Variants in LRRC37B observed in about 807,000 individuals in gnomAD.
The protein encoded by LRRC37B is leucine rich repeat containing 37B, also known as leucine-rich repeat-containing protein 37B.
In LRRC37B, 28 loss-of-function variants were observed where a neutral mutation model predicts 98.3. The ratio of observed to expected loss-of-function variants is 0.28; its 90% CI spans 0.21 to 0.39. The LOEUF (loss-of-function observed/expected upper bound fraction) is 0.39, where lower values mean the gene tolerates loss of function less well. Ranked by LOEUF, LRRC37B falls within the 10% of genes least tolerant of loss-of-function variation. LRRC37B has a pLI of 1.00. For synonymous variants in LRRC37B, 364 were observed against 442.7 expected, an observed-to-expected ratio of 0.82 and a Z score of 2.23; for missense variants, 938 against 1,182.7, an observed-to-expected ratio of 0.79 and a Z score of 3.03.
At chr17:32,011,125 T>C (rs1344370048) in intron 1 of LRRC37B, among the ~76,000 whole-genome samples, 4 of 151,792 alleles carry the variant, frequency 2.6e-5, no homozygotes, top group Non-Finnish European at 4.4e-5. Context: ...GCCTCCCAAG[T>C]AGCTGGGACT....
exon 1 of LRRC37B, chr17:32,021,341 C>T (rs1910770908): frequency 1.2e-6 from 2 of 1,613,838 alleles, no homozygotes; most frequent in African/African-American, 1.3e-5. Flanking sequence ...CACCTGCTCC[C>T]CCAGCAGCCC....
intron 1 of LRRC37B, among the ~76,000 whole-genome samples, chr17:32,012,726 A>C (rs1910562075): frequency 7.6e-6 from 1 of 131,150 alleles, no homozygotes; most frequent in South Asian, 2.4e-4. Context: ...AAATAAATAC[A>C]TACATACAGG....
exon 1 of LRRC37B, chr17:32,021,416 A>G: frequency 6.2e-7 from 1 of 1,613,774 alleles, no homozygotes; most frequent in Non-Finnish European, 8.5e-7. Flanking sequence ...CTCAGGAACC[A>G]ACTGAAAATT....
At chr17:32,022,355 G>A in exon 1 of LRRC37B, 1 of 1,613,930 alleles carries the variant, frequency 6.2e-7, no homozygotes, top group Non-Finnish European at 8.5e-7. Flanking sequence ...CTTCAGACAA[G>A]GGTCAGGCTC....
chr17:32,018,314 C>A (rs186182957), upstream of LRRC37B, among the ~76,000 whole-genome samples: 9 of 152,086 alleles, frequency 5.9e-5, no homozygotes, highest in Non-Finnish European at 8.8e-5. Flanking sequence ...GCGACAAGAG[C>A]GAAACTCCAT....
chr17:32,020,444 C>G (rs1268302706), upstream of LRRC37B, among the ~76,000 whole-genome samples: 1 of 152,058 alleles, frequency 6.6e-6, no homozygotes, highest in Non-Finnish European at 1.5e-5. Flanking sequence ...GATGACAGTT[C>G]AGCCTCCTCC....
chr17:32,053,209 A>G, intron 11 of LRRC37B, 57 bp from the exon 15 acceptor site: 1 of 1,172,176 alleles, frequency 8.5e-7, no homozygotes, highest in Non-Finnish European at 1.3e-6. Context: ...ATGAATACAC[A>G]TTGGAGATAG....
intron 9 of LRRC37B, among the ~76,000 whole-genome samples, chr17:32,048,737 G>A (rs59310661): frequency 0.04 from 6,113 of 152,228 alleles, 402 homozygotes; most frequent in African/African-American, 0.14. Context: ...ACCGATGCTC[G>A]CAAAGAGGCC....
chr17:32,021,579 G>T (rs1211370252), exon 1 of LRRC37B: 1 of 1,614,206 alleles, frequency 6.2e-7, no homozygotes. Context: ...TCAGAACCAG[G>T]CCCTAGTTCA....
rs1169825303 is a variant in LRRC37B, at chr17:32,027,757, T to C, written c.1833-12T>C. 5.6e-6 allele frequency: 9 copies of C among 1,596,642 alleles called. No homozygotes were observed. Among genetic ancestry groups the C allele is most frequent in the Non-Finnish European group, 7.7e-6 (9 of 1,170,494 alleles). On this transcript the variant is annotated splice_polypyrimidine_tract_variant and intron_variant, in intron 2 of 11. Transcript: ENST00000327564. The stretch of plus-strand genomic sequence containing the variant: ...TGCATTTTAACCTAGAAATAACTTT[T>C]TCATTTTCCAGAATTCTCAGTGAAA...
chr17:32,027,941 A>G, intron 3 of LRRC37B, 101 bp downstream of exon 6: 1 of 775,090 alleles, frequency 1.3e-6, no homozygotes, highest in Non-Finnish European at 2.1e-6. Context: ...CCAGCAATAA[A>G]ATTCTGCAAT....
At chr17:32,049,267 T>C in exon 10 of LRRC37B, 1 of 1,613,470 alleles carries the variant, frequency 6.2e-7, no homozygotes, top group Non-Finnish European at 8.5e-7. Flanking sequence ...GGCCTCCTGA[T>C]GAAGCTTCTC....
chr17:32,035,053 A>T, intron 6 of LRRC37B, 72 bp downstream of exon 9: 2 of 1,152,668 alleles, frequency 1.7e-6, no homozygotes, highest in Non-Finnish European at 2.5e-6. Flanking sequence ...AAGATAAAGT[A>T]TTTTGCATTT....
At chr17:32,041,916 T>C (rs1473824166) in intron 7 of LRRC37B, 3 of 437,688 alleles carry the variant, frequency 6.9e-6, no homozygotes, top group African/African-American at 6.1e-5. Flanking sequence ...GCCCACAGCC[T>C]ACCCTCGAGT....
chr17:32,022,657 A>G, exon 1 of LRRC37B: 1 of 1,614,028 alleles, frequency 6.2e-7, no homozygotes, highest in Non-Finnish European at 8.5e-7. Flanking sequence ...TCATTGGTGC[A>G]GTCTGAAACT....
At position 32,012,299 on chromosome 17, in the gene LRRC37B, G is replaced by A. The variant is rs57208395; in HGVS notation, c.-191+4167G>A. Among the ~76,000 whole-genome samples the A allele has an allele frequency of 4.6e-3, 700 of 152,212 alleles. 5 individuals carry two copies. The highest frequency in any genetic ancestry group is 0.016 in the African/African-American group (672 of 41,538). ...TCCTTGAAATTCTGTCTGTTTATGCGTCCTGTATTTTGAGGCCCTGTTGTT... is the reference window on the plus strand; with the variant it reads ...TCCTTGAAATTCTGTCTGTTTATGCATCCTGTATTTTGAGGCCCTGTTGTT... On this transcript the variant is annotated intron_variant, in intron 1 of 14. Coordinates refer to the LRRC37B transcript ENST00000543378.
intron 7 of LRRC37B, among the ~76,000 whole-genome samples, chr17:32,039,375 G>A (rs1598210506): frequency 6.7e-6 from 1 of 148,252 alleles, no homozygotes; most frequent in African/African-American, 2.5e-5. Context: ...TACTGGGGAG[G>A]CTGAGGCGGG....
At chr17:32,037,807 G>A (rs1911290456) in intron 7 of LRRC37B, among the ~76,000 whole-genome samples, 1 of 151,722 alleles carries the variant, frequency 6.6e-6, no homozygotes, top group Non-Finnish European at 1.5e-5. Context: ...CATTATTATT[G>A]AGTTTTAAGA....
intron 4 of LRRC37B, 125 bp downstream of exon 7, chr17:32,030,852 C>G (rs1911089941): frequency 1.7e-6 from 1 of 579,668 alleles, no homozygotes. Context: ...AATTATATAG[C>G]AAGTCCTTCT....
Sources: allele counts gnomAD v4.1 joint callset (sites outside exome capture counted in the v4.1 genomes callset), GRCh38; gene constraint gnomAD v4.1.1; transcripts MANE v1.5; gene names NCBI Gene and HGNC (gene_info 2026-07-23, HGNC 2026-07-21).